The following ATXN10 variants were observed in gnomAD, a reference collection of about 807,000 sequenced individuals.
The protein encoded by ATXN10 is ataxin-10.
ATXN10 carries 28 observed loss-of-function variants against 52.9 expected under a neutral mutation model. The observed-to-expected ratio is 0.53, with a 90% CI of 0.39 to 0.73. The LOEUF (loss-of-function observed/expected upper bound fraction) is 0.73. ATXN10 is among the 30% of genes least tolerant of loss of function. ATXN10 has a pLI of 0.00. For synonymous variants in ATXN10, 226 were observed against 221.5 expected (o/e 1.02, Z -0.18); for missense variants, 565 against 577.0 (o/e 0.98, Z 0.21).
intron 10 of ATXN10, among the ~76,000 whole-genome samples, chr22:45,822,570 A>G (rs1030605853): frequency 4.9e-5 from 6 of 121,224 alleles, no homozygotes; most frequent in Middle Eastern, 7.6e-3. Flanking sequence ...TTGCTCTGTC[A>G]CCCAGGCTGG....
At chr22:45,794,936 A>G (rs767572749) in intron 9 of ATXN10, among the ~76,000 whole-genome samples, 1 of 152,206 alleles carries the variant, frequency 6.6e-6, no homozygotes, top group Non-Finnish European at 1.5e-5. Context: ...TTGAAATGTA[A>G]TTGGCTCTTT....
Position 45,774,196 on chromosome 22 carries a change from G to A in ATXN10, c.1174-32763G>A, listed in dbSNP as rs567565781. ...GGCCCTGCCTTAGTAGGCATGGTGG[G>A]GCACCTGCCTCCTACTTGGCATTTC... On this transcript the variant is annotated intron_variant, in intron 9 of 11. Coordinates refer to ENST00000252934, the MANE Select transcript of ATXN10 (RefSeq NM_013236.4). This position sits in a 1 kb window ranked among gnomAD's most constrained non-coding sequence, Gnocchi z 6.2. 6.6e-6 allele frequency among the ~76,000 whole-genome samples: 1 copy of A among 152,328 alleles called. No homozygotes were observed. The highest frequency in any genetic ancestry group is 2.1e-4 in the South Asian group (1 of 4,828).
At position 45,732,349 on chromosome 22, in the gene ATXN10, C is replaced by G. The variant is rs570617949; in HGVS notation, c.894+2759C>G. On this transcript the variant is annotated intron_variant, in intron 7 of 11. Transcript: ENST00000252934. This position sits in a 1 kb window ranked among gnomAD's most constrained non-coding sequence, Gnocchi z 4.5. Reference sequence around the variant, plus strand: ...TGGTGTGTGCCTGTGTTCCTAGCCACCGGTGAGGCTGAGGTGGGAGGCTTG... The same window carrying G: ...TGGTGTGTGCCTGTGTTCCTAGCCAGCGGTGAGGCTGAGGTGGGAGGCTTG... 9.2e-5 allele frequency among the ~76,000 whole-genome samples: 14 copies of G among 151,808 alleles called. No individual in the cohort carries two copies. The South Asian group carries it at 2.3e-3, about 25-fold the overall frequency.
chr22:45,719,467 T>A (rs1337256109), intron 6 of ATXN10, among the ~76,000 whole-genome samples: 5 of 152,262 alleles, frequency 3.3e-5, no homozygotes, highest in African/African-American at 9.6e-5. Context: ...CTTCTTTCCC[T>A]ATATGTATAC....
At chr22:45,689,263 T>A (rs1411138840) in intron 1 of ATXN10, among the ~76,000 whole-genome samples, 1 of 152,214 alleles carries the variant, frequency 6.6e-6, no homozygotes, top group Non-Finnish European at 1.5e-5. Flanking sequence ...GAACATTAAA[T>A]AAAGATACTC....
chr22:45,693,591 A>G (rs1923470701), intron 3 of ATXN10, among the ~76,000 whole-genome samples: 1 of 152,196 alleles, frequency 6.6e-6, no homozygotes, highest in Non-Finnish European at 1.5e-5. Flanking sequence ...CCCATCTTAT[A>G]CTAGCAAGTT....
intron 9 of ATXN10, among the ~76,000 whole-genome samples, chr22:45,777,535 C>T (rs1009327625): frequency 6.6e-6 from 1 of 152,212 alleles, no homozygotes; most frequent in Admixed American, 6.5e-5. Context: ...CAGCTATGTT[C>T]AGCCTCACGT....
At chr22:45,675,379 C>T (rs1228242418) in intron 1 of ATXN10, 1 of 152,194 alleles carries the variant, frequency 6.6e-6, no homozygotes, top group East Asian at 1.9e-4. Flanking sequence ...ATTCTTTTCT[C>T]CTTGAGTGTG....
chr22:45,824,855 G>A lies in ATXN10; in HGVS notation c.1237+17833G>A, dbSNP rs5765643. 1.3e-5 allele frequency among the ~76,000 whole-genome samples: 2 copies of A among 152,332 alleles called. No homozygotes were observed. Among genetic ancestry groups the A allele is most frequent in the East Asian group, 3.9e-4 (2 of 5,192 alleles). The stretch of plus-strand genomic sequence containing the variant: ...TAATAACAGATTTGTGTGGGAGAGG[G>A]TTCAGGGAAATTCATGGGTAGGAGG... On this transcript the variant is annotated intron_variant, in intron 10 of 11. Coordinates refer to ENST00000252934, the MANE Select transcript of ATXN10 (RefSeq NM_013236.4). This position sits in a 1 kb window ranked among gnomAD's most constrained non-coding sequence, Gnocchi z 5.2.
intron 9 of ATXN10, among the ~76,000 whole-genome samples, chr22:45,767,602 G>C (rs1926630427): frequency 6.6e-6 from 1 of 151,614 alleles, no homozygotes; most frequent in Admixed American, 6.6e-5. Context: ...CTGTTTTATA[G>C]AATTACTTTG....
At chr22:45,760,323 T>A (rs983609056) in intron 9 of ATXN10, among the ~76,000 whole-genome samples, 4 of 152,184 alleles carry the variant, frequency 2.6e-5, no homozygotes, top group Non-Finnish European at 4.4e-5. Context: ...ATGTGGGGTT[T>A]ATTCACGTAC....
At chr22:45,747,277 G>A (rs544646004) in intron 9 of ATXN10, among the ~76,000 whole-genome samples, 33 of 152,222 alleles carry the variant, frequency 2.2e-4, no homozygotes, top group African/African-American at 6.3e-4. Flanking sequence ...AGGCTGAGGC[G>A]GGAGATTGTT....
intron 5 of ATXN10, among the ~76,000 whole-genome samples, chr22:45,714,924 C>T (rs1924389103): frequency 6.6e-6 from 1 of 151,986 alleles, no homozygotes; most frequent in African/African-American, 2.4e-5. Flanking sequence ...GCTGGTGGTC[C>T]CGGCAACAGA....
In ATXN10 at chr22:45,733,480, A is replaced by G. The variant is rs552973703; in HGVS notation, c.894+3890A>G. Among the ~76,000 whole-genome samples the G allele has an allele frequency of 6.6e-6, 1 of 152,284 alleles. No individual in the cohort carries two copies. The highest frequency in any genetic ancestry group is 1.9e-4 in the East Asian group (1 of 5,188). On this transcript the variant is annotated intron_variant, in intron 7 of 11. Coordinates refer to ENST00000252934, the MANE Select transcript of ATXN10 (RefSeq NM_013236.4). This position sits in a 1 kb window ranked among gnomAD's most constrained non-coding sequence, Gnocchi z 4.4. ...CCAGGCGTGGTGGCTCATACCTGTA[A>G]TCCCAGCACTTTAGGAGGTCGAGGT...
rs1928743856 is a variant in ATXN10, at chr22:45,824,142, G to C, written c.1237+17120G>C. On this transcript the variant is annotated intron_variant, in intron 10 of 11. Coordinates refer to ENST00000252934, the MANE Select transcript of ATXN10 (RefSeq NM_013236.4). This position sits in a 1 kb window ranked among gnomAD's most constrained non-coding sequence, Gnocchi z 5.2. ...CGCTCTTACCTGCTGAGTGTAGTCA[G>C]CCCGTCCTGTTTTCCCTTCCGGCAC... Among the ~76,000 whole-genome samples, 1 of 152,030 alleles carries C rather than the reference G, an allele frequency of 6.6e-6. No homozygotes were observed. Among genetic ancestry groups the C allele is most frequent in the South Asian group, 2.1e-4 (1 of 4,812 alleles).
chr22:45,694,952 AAAAAAAAAAAAAAAC>A (rs1215130597), intron 3 of ATXN10, among the ~76,000 whole-genome samples: 1 of 150,278 alleles, frequency 6.7e-6, no homozygotes. Context: ...AAAAAAAAAA[AAAAAAAAAAAAAAAC>A]AAAACCCCAG....
rs1033132802 is a variant in ATXN10, at chr22:45,841,737, C to T, written c.1238-1254C>T. ...GGAGAGAAACTGTTGGACTCATTTT[C>T]TTTCCCAAATACTACAGGAAAGAGC... On this transcript the variant is annotated intron_variant, in intron 10 of 11. Transcript: ENST00000252934. The surrounding 1 kb of genome is among the most constrained non-coding windows in gnomAD (Gnocchi z 5.1). Among the ~76,000 whole-genome samples the T allele has an allele frequency of 9.9e-5, 15 of 152,186 alleles. No homozygotes were observed. The highest frequency in any genetic ancestry group is 3.6e-4 in the African/African-American group (15 of 41,446).
At chr22:45,806,465 G>A (rs1928102723) in intron 9 of ATXN10, among the ~76,000 whole-genome samples, 1 of 152,088 alleles carries the variant, frequency 6.6e-6, no homozygotes, top group South Asian at 2.1e-4. Context: ...TTCCAAATCC[G>A]TGATACCTTA....
At position 45,690,076 on chromosome 22, in the gene ATXN10, C is replaced by T. The variant is rs750064388; in HGVS notation, c.308+173C>T. 2.6e-5 allele frequency among the ~76,000 whole-genome samples: 4 copies of T among 152,082 alleles called. No homozygotes were observed. The highest frequency in any genetic ancestry group is 4.2e-4 in the South Asian group (2 of 4,810). On this transcript the variant is annotated intron_variant, in intron 2 of 11. Transcript: ENST00000252934. This position sits in a 1 kb window ranked among gnomAD's most constrained non-coding sequence, Gnocchi z 4.5. ...TTGCTTGAGTCCAGGAGTTCAAGAC[C>T]GGCCTGGGCAACATGGTGAGACCCT...
Sources: gnomAD v4.1 joint callset for allele counts (sites outside exome capture counted in the v4.1 genomes callset) on GRCh38, gnomAD v4.1.1 for gene constraint, Gnocchi (gnomAD v3.1) non-coding constraint, MANE v1.5 for transcripts, NCBI Gene and HGNC (gene_info 2026-07-23, HGNC 2026-07-21) for gene names.